The following KDM2B variants were observed in gnomAD, a reference collection of about 807,000 sequenced individuals.
KDM2B encodes the protein lysine demethylase 2B.
A neutral mutation model predicts 150.0 loss-of-function variants in KDM2B; 26 were observed. The observed-to-expected ratio is 0.17, with a 90% confidence interval of 0.13 to 0.24. The LOEUF is 0.24. Ranked by LOEUF, KDM2B falls within the 10% of genes least tolerant of loss-of-function variation. The pLI, the probability that KDM2B is intolerant of heterozygous loss-of-function variation, is 1.00. For synonymous variants in KDM2B, 734 were observed against 729.5 expected, an observed-to-expected ratio of 1.01 and a Z score of -0.10; for missense variants, 1,265 against 1,816.9, an observed-to-expected ratio of 0.70 and a Z score of 5.52.
At chr12:121,522,789 A>G (rs551787194) in intron 8 of KDM2B, among the ~76,000 whole-genome samples, 7 of 152,188 alleles carry the variant, frequency 4.6e-5, no homozygotes, top group Non-Finnish European at 1.0e-4. Context: ...TGGAGGTTGC[A>G]GTGAGCCAAG....
At chr12:121,548,073 C>T (rs1172013572) in intron 6 of KDM2B, among the ~76,000 whole-genome samples, 1 of 152,132 alleles carries the variant, frequency 6.6e-6, no homozygotes, top group Non-Finnish European at 1.5e-5. Flanking sequence ...AATAATCAGT[C>T]TCAGGACTTG....
intron 9 of KDM2B, among the ~76,000 whole-genome samples, chr12:121,519,464 C>T (rs782074472): frequency 1.3e-5 from 2 of 152,210 alleles, no homozygotes; most frequent in African/African-American, 4.8e-5. Flanking sequence ...AGGAATGAAG[C>T]TCTGGCACAT....
At position 121,468,434 on chromosome 12, in the gene KDM2B, A is replaced by G. The variant is rs915610515; in HGVS notation, c.1735-15090T>C. 1 of 152,272 alleles carries G rather than the reference A, an allele frequency of 6.6e-6. No homozygotes were observed. The highest frequency in any genetic ancestry group is 1.5e-5 in the Non-Finnish European group (1 of 68,070). The allele number at this position is 152,272 out of a possible 1,614,324, so 9.4% of individuals were successfully genotyped here. ...TCAAAACCAAAGCTAAACACAAGCT[A>G]AGGAGGACTTGGCATACATATCATC... On this transcript the variant is annotated intron_variant, in intron 12 of 22. Coordinates refer to ENST00000377071, the MANE Select transcript of KDM2B (RefSeq NM_032590.5). This position sits in a 1 kb window ranked among gnomAD's most constrained non-coding sequence, Gnocchi z 4.0.
In KDM2B at chr12:121,430,746, G is replaced by C; in HGVS notation, c.3830-277C>G. The C allele has an allele frequency of 1.8e-6, 1 of 567,126 alleles. No homozygotes were observed. Among genetic ancestry groups the C allele is most frequent in the South Asian group, 2.5e-5 (1 of 40,138 alleles). The allele number at this position is 567,126 out of a possible 1,614,324, so 35.1% of individuals were successfully genotyped here. A position where few individuals can be genotyped will look rare whatever the true frequency, so the allele number is the denominator to read the frequency against. ...ATTTACCACACAGCTGCCTCTATACGTGCGTATGCTCATGTAAGTAGTTCT... is the reference window on the plus strand; with the variant it reads ...ATTTACCACACAGCTGCCTCTATACCTGCGTATGCTCATGTAAGTAGTTCT... On this transcript the variant is annotated intron_variant, in intron 22 of 22. Coordinates refer to ENST00000377071, the MANE Select transcript of KDM2B (RefSeq NM_032590.5). The surrounding 1 kb of genome is among the most constrained non-coding windows in gnomAD (Gnocchi z 4.4).
chr12:121,484,479 G>A (rs1277911642), intron 12 of KDM2B, among the ~76,000 whole-genome samples: 4 of 152,192 alleles, frequency 2.6e-5, no homozygotes, highest in African/African-American at 9.6e-5. Flanking sequence ...GACAGATGGC[G>A]ACTTGGGCAC....
At chr12:121,511,790 C>T (rs1885615145) in intron 10 of KDM2B, among the ~76,000 whole-genome samples, 1 of 152,186 alleles carries the variant, frequency 6.6e-6, no homozygotes, top group African/African-American at 2.4e-5. Context: ...GCAAAGGAAA[C>T]ACCCTCAGAA....
chr12:121,541,106 C>G (rs1888572944), intron 6 of KDM2B, among the ~76,000 whole-genome samples: 1 of 152,000 alleles, frequency 6.6e-6, no homozygotes, highest in Non-Finnish European at 1.5e-5. Context: ...GTGGCACATG[C>G]CTGTAATCCC....
At chr12:121,485,401 C>A (rs1593911980) in intron 12 of KDM2B, among the ~76,000 whole-genome samples, 1 of 152,190 alleles carries the variant, frequency 6.6e-6, no homozygotes, top group East Asian at 1.9e-4. Flanking sequence ...ATCCCTGACA[C>A]CTCCCCTCAA....
chr12:121,434,101 G>A (rs1196543110), intron 22 of KDM2B, among the ~76,000 whole-genome samples: 4 of 151,614 alleles, frequency 2.6e-5, no homozygotes, highest in Admixed American at 6.6e-5. Context: ...GATCATTTTT[G>A]CCTGGAAGGT....
Position 121,453,412 on chromosome 12 carries a change from TGTTAGGGA to T in KDM2B, c.1735-76_1735-69del. The T allele has an allele frequency of 7.9e-7, 1 of 1,263,988 alleles. No individual in the cohort carries two copies. Among genetic ancestry groups the T allele is most frequent in the East Asian group, 2.6e-5 (1 of 39,212 alleles). 78.3% of individuals were successfully genotyped at this position (1,263,988 alleles called of 1,614,324 possible). The stretch of plus-strand genomic sequence containing the variant: ...GGCACGGCCAGACCCCCGGAAAGGG[TGTTAGGGA>T]GCAAACTGTGTACCCCCAGAAAGAC... On this transcript the variant is annotated intron_variant, in intron 12 of 22. Coordinates refer to ENST00000377071, the MANE Select transcript of KDM2B (RefSeq NM_032590.5). The surrounding 1 kb of genome is among the most constrained non-coding windows in gnomAD (Gnocchi z 6.4).
intron 11 of KDM2B, among the ~76,000 whole-genome samples, chr12:121,507,172 G>A (rs1175069401): frequency 2.0e-5 from 3 of 150,190 alleles, no homozygotes; most frequent in Non-Finnish European, 3.0e-5. Context: ...AAAAGACAGC[G>A]TGGGCAACAT....
rs188275987 is a variant in KDM2B at position 121,439,214 on chromosome 12, G to A, written c.3829+643C>T. 3.7e-3 allele frequency among the ~76,000 whole-genome samples: 563 copies of A among 152,088 alleles called. 18 individuals carry two copies. The highest frequency in any genetic ancestry group is 8.1e-4 in the Non-Finnish European group (55 of 67,972). On this transcript the variant is annotated intron_variant, in intron 22 of 22. Coordinates refer to ENST00000377071, the MANE Select transcript of KDM2B (RefSeq NM_032590.5). ...CTGCCCACCAGGGCCCTTGCCTCCC[G>A]GCCCCCACTGTCTCAACACCCTGGT...
At chr12:121,505,113 T>C (rs1884942609) in intron 11 of KDM2B, among the ~76,000 whole-genome samples, 1 of 122,138 alleles carries the variant, frequency 8.2e-6, no homozygotes. Flanking sequence ...CAAGACTCTG[T>C]CTCAAAAAAA....
intron 6 of KDM2B, among the ~76,000 whole-genome samples, chr12:121,540,705 G>A (rs1259777593): frequency 7.1e-6 from 1 of 141,364 alleles, no homozygotes; most frequent in Non-Finnish European, 1.5e-5. Context: ...AGTGAGCCGA[G>A]ATTGCATCAC....
At chr12:121,446,188 G>T (rs533864836) in intron 13 of KDM2B, among the ~76,000 whole-genome samples, 1 of 152,254 alleles carries the variant, frequency 6.6e-6, no homozygotes, top group South Asian at 2.1e-4. Flanking sequence ...AAGGTCAGGA[G>T]ATCGAGACCA....
chr12:121,475,781 C>G (rs782069507), intron 12 of KDM2B, among the ~76,000 whole-genome samples: 7 of 151,002 alleles, frequency 4.6e-5, no homozygotes, highest in Non-Finnish European at 8.8e-5. Context: ...GAAGACTAAC[C>G]CCCCTGCCCC....
rs1031775337 is a variant in KDM2B, at chr12:121,452,327, C to T, written c.1959+793G>A. On this transcript the variant is annotated intron_variant, in intron 13 of 22. Transcript: ENST00000377071. This position sits in a 1 kb window ranked among gnomAD's most constrained non-coding sequence, Gnocchi z 4.4. Reference sequence around the variant, plus strand: ...CAAAAAACAAAACACAAGAAATATGCGTGGAAGGAGATGGCTGAGGTGTCT... The same window carrying T: ...CAAAAAACAAAACACAAGAAATATGTGTGGAAGGAGATGGCTGAGGTGTCT... 2.0e-5 allele frequency among the ~76,000 whole-genome samples: 3 copies of T among 152,166 alleles called. No homozygotes were observed. The East Asian group carries it at 5.8e-4, about 29-fold the overall frequency.
chr12:121,553,797 T>C (rs1328688946), intron 4 of KDM2B, among the ~76,000 whole-genome samples: 1 of 152,080 alleles, frequency 6.6e-6, no homozygotes, highest in Non-Finnish European at 1.5e-5. Flanking sequence ...CCCTACAACA[T>C]ATTCAAGATG....
intron 12 of KDM2B, among the ~76,000 whole-genome samples, chr12:121,481,758 GT>G (rs111363850): frequency 8.1e-6 from 1 of 123,156 alleles, no homozygotes; most frequent in Non-Finnish European, 1.7e-5. Flanking sequence ...TTATCTTAGG[GT>G]TTTTTTTGTT....
Sources: gnomAD v4.1 joint callset for allele counts (sites outside exome capture counted in the v4.1 genomes callset) on GRCh38, gnomAD v4.1.1 for gene constraint, Gnocchi (gnomAD v3.1) non-coding constraint, MANE v1.5 for transcripts, NCBI Gene and HGNC (gene_info 2026-07-23, HGNC 2026-07-21) for gene names.